Variants in SH3PXD2B observed in about 807,000 individuals in gnomAD.
SH3PXD2B encodes SH3 and PX domain-containing protein 2B.
In SH3PXD2B, 37 loss-of-function variants were observed where a neutral mutation model predicts 73.1. The ratio of observed to expected loss-of-function variants is 0.51; its 90% confidence interval spans 0.39 to 0.67. The LOEUF (loss-of-function observed/expected upper bound fraction) is 0.67. SH3PXD2B is among the 30% of genes least tolerant of loss of function. SH3PXD2B has a pLI of 0.00. For synonymous variants in SH3PXD2B, 457 were observed against 480.5 expected, an observed-to-expected ratio of 0.95 and a Z score of 0.64; for missense variants, 1,053 against 1,197.8, an observed-to-expected ratio of 0.88 and a Z score of 1.78.
rs1192485555 is a variant in SH3PXD2B at position 172,353,291 on chromosome 5, T to C, written c.785+597A>G. ...CTTGCCCTAATTTCCCATGGTCACA[T>C]CCTGCCTATTGGGGGTGATCAAGGA... On this transcript the variant is annotated intron_variant, in intron 9 of 12. Coordinates refer to ENST00000311601, the MANE Select transcript of SH3PXD2B (RefSeq NM_001017995.3). The surrounding 1 kb of genome is among the most constrained non-coding windows in gnomAD (Gnocchi z 4.3). Among the ~76,000 whole-genome samples the C allele has an allele frequency of 6.6e-6, 1 of 152,174 alleles. No individual in the cohort carries two copies. Among genetic ancestry groups the C allele is most frequent in the East Asian group, 1.9e-4 (1 of 5,198 alleles).
At chr5:172,391,132 C>T (rs966925691) in intron 4 of SH3PXD2B, among the ~76,000 whole-genome samples, 10 of 152,132 alleles carry the variant, frequency 6.6e-5, no homozygotes, top group African/African-American at 1.2e-4. Context: ...TGAGCCACCA[C>T]GCCCGGCTTG....
At chr5:172,451,838 G>GC (rs1759803492) in intron 1 of SH3PXD2B, among the ~76,000 whole-genome samples, 1 of 152,160 alleles carries the variant, frequency 6.6e-6, no homozygotes, top group African/African-American at 2.4e-5. Context: ...ATTGGGTTTG[G>GC]CCCCCCTGCC....
At position 172,327,629 on chromosome 5, in the gene SH3PXD2B, A is replaced by G. The variant is rs536890184; in HGVS notation, c.1189-2249T>C. On this transcript the variant is annotated intron_variant, in intron 12 of 12. Coordinates refer to the SH3PXD2B transcript ENST00000519643. ...TTTTAGAGGCAGGGTCTCACTGTCA[A>G]CCAGACTGGAGTACAGTGGTATGAT... Among the ~76,000 whole-genome samples, 8 of 152,338 alleles carry G rather than the reference A, an allele frequency of 5.3e-5. No homozygotes were observed. The South Asian group carries it at 1.7e-3, about 32-fold the overall frequency.
chr5:172,448,378 T>G (rs978321030), intron 1 of SH3PXD2B, among the ~76,000 whole-genome samples: 1 of 152,104 alleles, frequency 6.6e-6, no homozygotes, highest in South Asian at 2.1e-4. Context: ...GCCGACAGAG[T>G]CTCCCTTTGT....
chr5:172,437,237 G>A (rs957652452), intron 1 of SH3PXD2B, among the ~76,000 whole-genome samples: 9 of 152,156 alleles, frequency 5.9e-5, no homozygotes, highest in African/African-American at 1.7e-4. Flanking sequence ...TGGGAAACCC[G>A]ACTCTGCCAC....
At chr5:172,355,266 C>T (rs938170176) in intron 8 of SH3PXD2B, among the ~76,000 whole-genome samples, 3 of 152,238 alleles carry the variant, frequency 2.0e-5, no homozygotes, top group Non-Finnish European at 4.4e-5. Flanking sequence ...ATTTATTGAT[C>T]TAGCCTGCTG....
chr5:172,439,837 CG>C (rs1759511174), intron 1 of SH3PXD2B, among the ~76,000 whole-genome samples: 5 of 39,550 alleles, frequency 1.3e-4, no homozygotes, highest in South Asian at 7.7e-4. Context: ...CCACTCTTGC[CG>C]ACGACTGAGA....
intron 10 of SH3PXD2B, 61 bp from the exon 11 acceptor site, chr5:172,347,393 C>A: frequency 6.4e-7 from 1 of 1,559,260 alleles, no homozygotes; most frequent in Non-Finnish European, 8.8e-7. Context: ...GAGCTGGGTG[C>A]CAGGTCGGGT....
chr5:172,393,415 T>C (rs1758231080), intron 4 of SH3PXD2B, among the ~76,000 whole-genome samples: 1 of 152,258 alleles, frequency 6.6e-6, no homozygotes. Context: ...ATCCTGATTT[T>C]ACTAAACTCA....
Position 172,339,397 on chromosome 5 carries a change from G to T in SH3PXD2B, c.1708C>A (p.Pro570Thr), listed in dbSNP as rs757975252. The T allele has an allele frequency of 6.2e-7, 1 of 1,614,196 alleles. No homozygotes were observed. Among genetic ancestry groups the T allele is most frequent in the Non-Finnish European group, 8.5e-7 (1 of 1,180,032 alleles). Reference sequence around the variant, plus strand: ...GGCCTCCTGCTGTCCCGGGCTGGAGGGATGTGTTTGGCTGGCATCATCGGC... The same window carrying T: ...GGCCTCCTGCTGTCCCGGGCTGGAGTGATGTGTTTGGCTGGCATCATCGGC... ...ILPMMPAKHIPPARDSRRPEP... is the reference protein window; with the variant it reads ...ILPMMPAKHITPARDSRRPEP... Residue 570 changes from proline (P) to threonine (T), a missense_variant, in exon 13 of 13, where the codon CCT becomes ACT. Physicochemically the swap from Pro to Thr is conservative, Grantham distance 38. Transcript: ENST00000311601. The surrounding 1 kb of genome is among the most constrained non-coding windows in gnomAD (Gnocchi z 6.1).
intron 1 of SH3PXD2B, among the ~76,000 whole-genome samples, chr5:172,451,872 T>C (rs1287792955): frequency 6.6e-6 from 1 of 152,220 alleles, no homozygotes; most frequent in African/African-American, 2.4e-5. Flanking sequence ...ATGTTCTCTG[T>C]TCCTGTGGAT....
At position 172,439,955 on chromosome 5, in the gene SH3PXD2B, G is replaced by A. The variant is rs539547864; in HGVS notation, c.75+14323C>T. Reference sequence around the variant, plus strand: ...TCACACACATCTGGCCCGAGGCGGCGTGGGGAACTTTCCAATGGCAAGCAG... The same window carrying A: ...TCACACACATCTGGCCCGAGGCGGCATGGGGAACTTTCCAATGGCAAGCAG... On this transcript the variant is annotated intron_variant, in intron 1 of 12. Transcript: ENST00000311601. Among the ~76,000 whole-genome samples, 187 of 152,296 alleles carry A rather than the reference G, an allele frequency of 1.2e-3. 1 individual carries two copies. The highest frequency in any genetic ancestry group is 4.2e-3 in the African/African-American group (175 of 41,556).
At chr5:172,400,683 C>G (rs964152734) in intron 3 of SH3PXD2B, among the ~76,000 whole-genome samples, 1 of 152,202 alleles carries the variant, frequency 6.6e-6, no homozygotes, top group Admixed American at 6.5e-5. Flanking sequence ...CCTGACTGTT[C>G]CCACACAGAG....
In SH3PXD2B at chr5:172,337,680, G is replaced by C. The variant is rs1581257380; in HGVS notation, c.*689C>G. 3 of 988,192 alleles carry C rather than the reference G, an allele frequency of 3.0e-6. No homozygotes were observed. Among genetic ancestry groups the C allele is most frequent in the South Asian group, 4.7e-5 (1 of 21,430 alleles). The allele number at this position is 988,192 out of a possible 1,614,324, so 61.2% of individuals were successfully genotyped here. A position where few individuals can be genotyped will look rare whatever the true frequency, so the allele number is the denominator to read the frequency against. ...GCAAAGCGCAGCATACGCGGGGCTG[G>C]AACCACCCTTCAGGGCTGACCACGG... is the stretch of plus-strand genomic sequence containing the variant. On this transcript the variant is annotated 3_prime_UTR_variant, in exon 13 of 13. Transcript: ENST00000311601.
chr5:172,435,654 C>A (rs1010738311), intron 1 of SH3PXD2B, among the ~76,000 whole-genome samples: 1 of 152,088 alleles, frequency 6.6e-6, no homozygotes, highest in African/African-American at 2.4e-5. Flanking sequence ...GAACTCCTGG[C>A]CTCAAGCGAT....
intron 5 of SH3PXD2B, among the ~76,000 whole-genome samples, chr5:172,380,735 C>T (rs1196886494): frequency 1.3e-5 from 2 of 152,204 alleles, no homozygotes; most frequent in African/African-American, 4.8e-5. Flanking sequence ...TTGTGACATC[C>T]GATTCAAAGG....
chr5:172,335,491 C>A lies in SH3PXD2B; in HGVS notation c.*2878G>T. 1 of 1,231,456 alleles carries A rather than the reference C, an allele frequency of 8.1e-7. No homozygotes were observed. Among genetic ancestry groups the A allele is most frequent in the East Asian group, 3.2e-5 (1 of 31,706 alleles). 76.3% of individuals were successfully genotyped at this position (1,231,456 alleles called of 1,614,324 possible). On this transcript the variant is annotated 3_prime_UTR_variant, in exon 13 of 13. Coordinates refer to ENST00000311601, the MANE Select transcript of SH3PXD2B (RefSeq NM_001017995.3). Reference sequence around the variant, plus strand: ...GTCCCAGCTTGGCCACTATTTGGACCTTCTCCCTCTGAACCTTAATTTTCT... The same window carrying A: ...GTCCCAGCTTGGCCACTATTTGGACATTCTCCCTCTGAACCTTAATTTTCT...
At chr5:172,367,683 G>A (rs1473231151) in intron 6 of SH3PXD2B, among the ~76,000 whole-genome samples, 2 of 152,198 alleles carry the variant, frequency 1.3e-5, no homozygotes, top group Admixed American at 6.5e-5. Flanking sequence ...ATAGTTGGGA[G>A]TGGTCATGTA....
rs555865839 is a variant in SH3PXD2B at position 172,358,960 on chromosome 5, T to C, written c.563-83A>G. On this transcript the variant is annotated intron_variant, in intron 7 of 12. Transcript: ENST00000311601. ...AGAACATAATAATCTATTCAGCCAC[T>C]GTACCAGTGAATGCACAGGGTAAGG... The C allele has an allele frequency of 2.3e-6, 3 of 1,294,806 alleles. No homozygotes were observed. The East Asian group carries it at 7.5e-5, about 32-fold the overall frequency. 80.2% of individuals were successfully genotyped at this position (1,294,806 alleles called of 1,614,324 possible).
Sources: gnomAD v4.1 joint callset for allele counts (sites outside exome capture counted in the v4.1 genomes callset) on GRCh38, gnomAD v4.1.1 for gene constraint, Gnocchi (gnomAD v3.1) non-coding constraint, MANE v1.5 for transcripts, NCBI Gene and HGNC (gene_info 2026-07-23, HGNC 2026-07-21) for gene names.